Variants in PRSS23 observed in about 807,000 individuals in gnomAD.
The protein encoded by PRSS23 is serine protease 23.
In PRSS23, 25 loss-of-function variants were observed where a neutral mutation model predicts 34.7. The observed-to-expected ratio is 0.72, with a 90% CI of 0.53 to 1.01. The LOEUF (loss-of-function observed/expected upper bound fraction) is 1.01. Ranked by LOEUF, PRSS23 falls within the 50% of genes least tolerant of loss-of-function variation. The pLI, the probability that PRSS23 is intolerant of heterozygous loss-of-function variation, is 0.00. For synonymous variants in PRSS23, 176 were observed against 186.6 expected, an observed-to-expected ratio of 0.94 and a Z score of 0.46; for missense variants, 445 against 475.6, an observed-to-expected ratio of 0.94 and a Z score of 0.60.
chr11:86,897,620 G>A (rs1295063382), intron 2 of PRSS23, among the ~76,000 whole-genome samples: 6 of 151,612 alleles, frequency 4.0e-5, no homozygotes, highest in South Asian at 4.2e-4. Context: ...TTATAAGCAT[G>A]CACCCCTGGC....
intron 2 of PRSS23, chr11:86,832,498 A>T: frequency 3.7e-6 from 1 of 268,906 alleles, no homozygotes; most frequent in Non-Finnish European, 7.4e-6. Flanking sequence ...CTACAAAAGG[A>T]ATGGAACAGA....
exon 3 of PRSS23, chr11:86,952,283 C>G (rs1949300933): frequency 6.2e-7 from 1 of 1,614,184 alleles, no homozygotes; most frequent in Middle Eastern, 1.6e-4. Context: ...CCCTTCCATG[C>G]ACATGTGGTT....
intron 2 of PRSS23, chr11:86,949,600 T>G (rs1476305684): frequency 6.6e-6 from 1 of 152,648 alleles, no homozygotes; most frequent in East Asian, 1.9e-4. Context: ...AAAGGCCAGT[T>G]ACAGTTTTAA....
At chr11:86,947,821 A>T (rs536162640) in intron 2 of PRSS23, 92 of 152,440 alleles carry the variant, frequency 6.0e-4, no homozygotes, top group African/African-American at 2.1e-3. Flanking sequence ...AGGAGGTTGG[A>T]CAGAGGTGCC....
intron 2 of PRSS23, among the ~76,000 whole-genome samples, chr11:86,867,041 T>C (rs1939103): frequency 0.7 from 106,230 of 152,150 alleles, 38,636 homozygotes; most frequent in African/African-American, 0.91. Context: ...AGTCACCCAT[T>C]GTGCCCTAGA....
At chr11:86,908,992 T>A (rs1447231718) in intron 2 of PRSS23, 1 of 148,780 alleles carries the variant, frequency 6.7e-6, no homozygotes, top group East Asian at 2.0e-4. Context: ...TTTTTTTTAA[T>A]GTATTTGTTG....
At chr11:86,921,165 A>G (rs961485127) in intron 2 of PRSS23, 1 of 152,116 alleles carries the variant, frequency 6.6e-6, no homozygotes, top group Admixed American at 6.5e-5. Context: ...CAGCTCCTAA[A>G]TTTTGTATAT....
intron 2 of PRSS23, among the ~76,000 whole-genome samples, chr11:86,918,852 CT>C (rs1469785127): frequency 6.6e-6 from 1 of 152,090 alleles, no homozygotes; most frequent in African/African-American, 2.4e-5. Flanking sequence ...ATTATATTAC[CT>C]AAGAAAACAA....
intron 2 of PRSS23, among the ~76,000 whole-genome samples, chr11:86,902,372 A>T (rs1278516965): frequency 6.6e-6 from 1 of 151,994 alleles, no homozygotes; most frequent in African/African-American, 2.4e-5. Flanking sequence ...TTGGTACTTA[A>T]TTTTTTTCTT....
At chr11:86,861,929 T>G (rs1006658431) in intron 2 of PRSS23, among the ~76,000 whole-genome samples, 2 of 151,960 alleles carry the variant, frequency 1.3e-5, no homozygotes, top group African/African-American at 4.8e-5. Flanking sequence ...GAGGATGATA[T>G]TACTTCCCAT....
chr11:86,900,781 C>CTCTCTCTCTT lies in PRSS23; in HGVS notation c.207-50434_207-50433insCTCTCTCTTT, dbSNP rs775258446. ...AATTTCAGCATTATTATCTCTCTCTCTTTTTTTTTTTTTTTTTTTTTGAGA... is the reference window on the plus strand; with the variant it reads ...AATTTCAGCATTATTATCTCTCTCTCTCTCTCTCTTTTTTTTTTTTTTTTTTTTTTTGAGA... On this transcript the variant is annotated intron_variant, in intron 2 of 2. Transcript: ENST00000533902. Among the ~76,000 whole-genome samples, 51 of 94,016 alleles carry CTCTCTCTCTT rather than the reference C, an allele frequency of 5.4e-4. 1 individual carries two copies. Among genetic ancestry groups the CTCTCTCTCTT allele is most frequent in the African/African-American group, 2.1e-3 (48 of 22,440 alleles). 61.7% of individuals were successfully genotyped at this position (94,016 alleles called of 152,430 possible).
intron 2 of PRSS23, among the ~76,000 whole-genome samples, chr11:86,939,426 A>ATATATAT: frequency 2.2e-4 from 21 of 94,074 alleles, no homozygotes; most frequent in Non-Finnish European, 4.2e-4. Context: ...ATATATATAT[A>ATATATAT]TTTTTTAACA....
chr11:86,879,044 G>A (rs28703812), intron 2 of PRSS23, among the ~76,000 whole-genome samples: 4 of 128,870 alleles, frequency 3.1e-5, no homozygotes, highest in Admixed American at 8.1e-5. Flanking sequence ...CAGCCATCCC[G>A]TCTAGGAAGT....
In PRSS23 at chr11:86,876,847, G is replaced by A. The variant is rs1156720415; in HGVS notation, c.206+53254G>A. ...AAGAAAACCAATTAGAAAGACAAGTGGGCCCCTAAATAGGACAGGCTAAAT... is the reference window on the plus strand; with the variant it reads ...AAGAAAACCAATTAGAAAGACAAGTAGGCCCCTAAATAGGACAGGCTAAAT... On this transcript the variant is annotated intron_variant, in intron 2 of 2. Transcript: ENST00000533902. Among the ~76,000 whole-genome samples, 8 of 152,178 alleles carry A rather than the reference G, an allele frequency of 5.3e-5. No homozygotes were observed. The East Asian group carries it at 1.5e-3, about 29-fold the overall frequency.
At chr11:86,817,358 C>T (rs939076982) in intron 1 of PRSS23, among the ~76,000 whole-genome samples, 3 of 152,090 alleles carry the variant, frequency 2.0e-5, no homozygotes, top group South Asian at 4.2e-4. Context: ...TTTTTAAACT[C>T]TTTAGATAGC....
Position 86,864,428 on chromosome 11 carries a change from G to A in PRSS23, c.206+40835G>A, listed in dbSNP as rs921451813. Reference sequence around the variant, plus strand: ...GAGGGGCTGACGCCACAGCACAGAGGAAGGACCACGTAGTCATGCCTAAGA... The same window carrying A: ...GAGGGGCTGACGCCACAGCACAGAGAAAGGACCACGTAGTCATGCCTAAGA... On this transcript the variant is annotated intron_variant, in intron 2 of 2. Transcript: ENST00000533902. Among the ~76,000 whole-genome samples, 3 of 152,200 alleles carry A rather than the reference G, an allele frequency of 2.0e-5. No homozygotes were observed. In the South Asian group the frequency reaches 6.2e-4, roughly 31 times the overall value.
intron 2 of PRSS23, among the ~76,000 whole-genome samples, chr11:86,890,236 C>T (rs1948832364): frequency 1.3e-5 from 2 of 151,658 alleles, no homozygotes; most frequent in African/African-American, 4.9e-5. Flanking sequence ...TGCCACTGCA[C>T]TCCAGCCTGG....
chr11:86,888,874 GC>G (rs1948822706), intron 2 of PRSS23, among the ~76,000 whole-genome samples: 1 of 152,238 alleles, frequency 6.6e-6, no homozygotes, highest in Admixed American at 6.5e-5. Context: ...CTGGTTCCTA[GC>G]GCTGCCTAGC....
At chr11:86,888,360 C>A (rs1948819383) in intron 2 of PRSS23, among the ~76,000 whole-genome samples, 1 of 152,046 alleles carries the variant, frequency 6.6e-6, no homozygotes, top group Non-Finnish European at 1.5e-5. Flanking sequence ...GGAACAATCA[C>A]TTTATTGTCT....
Sources: allele counts gnomAD v4.1 joint callset (sites outside exome capture counted in the v4.1 genomes callset), GRCh38; gene constraint gnomAD v4.1.1; transcripts MANE v1.5; gene names NCBI Gene and HGNC (gene_info 2026-07-23, HGNC 2026-07-21).